The following DNAJC5B variants were observed in gnomAD, a reference collection of about 807,000 sequenced individuals.
DNAJC5B encodes dnaJ homolog subfamily C member 5B.
Under a neutral mutation model 24.7 loss-of-function variants are expected in DNAJC5B, and 23 were observed. That is an observed-to-expected ratio of 0.93 (90% confidence interval 0.67 to 1.32). The LOEUF (loss-of-function observed/expected upper bound fraction) is 1.32. Among genes scored for constraint, DNAJC5B ranks in the 40% most tolerant of loss-of-function variants. The pLI is 0.00. For missense variants in DNAJC5B, 238 were observed against 240.8 expected, an observed-to-expected ratio of 0.99 and a Z score of 0.08; for synonymous variants, 101 against 90.1, an observed-to-expected ratio of 1.12 and a Z score of -0.68.
rs1272267567 is a variant in DNAJC5B, at chr8:66,062,189, G to A, written c.119+10523G>A. Among the ~76,000 whole-genome samples the A allele has an allele frequency of 3.3e-5, 5 of 152,212 alleles. No homozygotes were observed. In the East Asian group the frequency reaches 9.6e-4, roughly 29 times the overall value. On this transcript the variant is annotated intron_variant, in intron 3 of 5. Transcript: ENST00000276570. ...AAAAAAGAATTAGAAAATAGAAAAT[G>A]TCTGGAAAATGTCTGTTTTCTCCTC...
chr8:66,073,171 T>A (rs539832006), intron 3 of DNAJC5B, among the ~76,000 whole-genome samples: 108 of 152,214 alleles, frequency 7.1e-4, no homozygotes, highest in Non-Finnish European at 1.2e-3. Flanking sequence ...GACATGAGCT[T>A]GGGAAGTTGG....
intron 5 of DNAJC5B, among the ~76,000 whole-genome samples, chr8:66,084,047 A>G (rs1807664366): frequency 6.6e-6 from 1 of 152,124 alleles, no homozygotes; most frequent in Admixed American, 6.5e-5. Flanking sequence ...TAAATCCAGC[A>G]CTGCTCTTGG....
At chr8:66,070,045 T>G (rs1264808814) in intron 3 of DNAJC5B, among the ~76,000 whole-genome samples, 1 of 152,180 alleles carries the variant, frequency 6.6e-6, no homozygotes, top group Non-Finnish European at 1.5e-5. Flanking sequence ...AACTAGGTAT[T>G]GATGGAACGT....
chr8:66,089,356 A>G (rs1807796582), intron 5 of DNAJC5B, among the ~76,000 whole-genome samples: 1 of 152,216 alleles, frequency 6.6e-6, no homozygotes, highest in African/African-American at 2.4e-5. Flanking sequence ...GGGAACACAG[A>G]GCCAAACCAT....
At chr8:66,094,324 C>T (rs919884131) in intron 5 of DNAJC5B, among the ~76,000 whole-genome samples, 2 of 151,990 alleles carry the variant, frequency 1.3e-5, no homozygotes, top group African/African-American at 4.8e-5. Context: ...TGGTATATTT[C>T]ACCATTTATT....
chr8:66,054,350 C>T (rs1288803817), intron 3 of DNAJC5B, among the ~76,000 whole-genome samples: 1 of 152,124 alleles, frequency 6.6e-6, no homozygotes, highest in African/African-American at 2.4e-5. Context: ...AGACCTCTCG[C>T]AATTACAACA....
At chr8:66,065,779 A>AG (rs1807179330) in intron 3 of DNAJC5B, among the ~76,000 whole-genome samples, 2 of 152,144 alleles carry the variant, frequency 1.3e-5, no homozygotes, top group Non-Finnish European at 2.9e-5. Context: ...AAGACTGCCC[A>AG]GGGGCTTTCA....
At chr8:66,091,735 G>A (rs948975072) in intron 5 of DNAJC5B, among the ~76,000 whole-genome samples, 8 of 152,224 alleles carry the variant, frequency 5.3e-5, no homozygotes, top group Non-Finnish European at 1.0e-4. Flanking sequence ...TGCAAGAGTG[G>A]TAGGATTACC....
At chr8:66,032,410 G>A (rs1806378795) in intron 1 of DNAJC5B, among the ~76,000 whole-genome samples, 1 of 152,236 alleles carries the variant, frequency 6.6e-6, no homozygotes, top group African/African-American at 2.4e-5. Context: ...ATAGTTGCTG[G>A]TATTTGTTGA....
intron 5 of DNAJC5B, 24 bp from the exon 6 acceptor site, chr8:66,099,913 T>C: frequency 6.2e-7 from 1 of 1,603,928 alleles, no homozygotes; most frequent in Non-Finnish European, 8.5e-7. Flanking sequence ...AGAGTGTTTA[T>C]TGCTTTGCTT....
At chr8:66,082,928 C>T (rs1049720187) in intron 5 of DNAJC5B, among the ~76,000 whole-genome samples, 1 of 150,996 alleles carries the variant, frequency 6.6e-6, no homozygotes, top group Non-Finnish European at 1.5e-5. Flanking sequence ...TCCCCTGAGG[C>T]TTTGTGGCTG....
intron 1 of DNAJC5B, among the ~76,000 whole-genome samples, chr8:66,037,023 G>T (rs1295736081): frequency 6.6e-6 from 1 of 152,180 alleles, no homozygotes; most frequent in Non-Finnish European, 1.5e-5. Context: ...CCAGCTCGTT[G>T]CTTCCTGGGC....
chr8:66,032,913 ACT>A (rs763463454), intron 1 of DNAJC5B, among the ~76,000 whole-genome samples: 7 of 152,046 alleles, frequency 4.6e-5, no homozygotes, highest in Admixed American at 2.0e-4. Context: ...TCCCTGCAGC[ACT>A]CTCTGTTTGC....
chr8:66,053,598 A>G (rs1165307614), intron 3 of DNAJC5B, among the ~76,000 whole-genome samples: 2 of 151,818 alleles, frequency 1.3e-5, no homozygotes, highest in Non-Finnish European at 2.9e-5. Context: ...ACATTTAAAA[A>G]TCAGGTTGTA....
chr8:66,099,023 G>C (rs868004937), intron 5 of DNAJC5B, among the ~76,000 whole-genome samples: 1 of 136,210 alleles, frequency 7.3e-6, no homozygotes, highest in Middle Eastern at 3.5e-3. Flanking sequence ...CTAATTCTCT[G>C]TCTCTCTCTC....
intron 5 of DNAJC5B, among the ~76,000 whole-genome samples, chr8:66,082,998 C>CTTTTATTTTTTTTTTTTTT (rs1807631149): frequency 8.5e-6 from 1 of 117,792 alleles, no homozygotes; most frequent in Non-Finnish European, 1.8e-5. Context: ...ATTTTCTTTT[C>CTTTTATTTTTTTTTTTTTT]TTTTCTTTTT....
intron 2 of DNAJC5B, among the ~76,000 whole-genome samples, chr8:66,047,604 A>C (rs1806748731): frequency 6.6e-6 from 1 of 152,148 alleles, no homozygotes; most frequent in African/African-American, 2.4e-5. Flanking sequence ...CCATATACGA[A>C]AGTTGTCATT....
At chr8:66,086,110 C>T (rs1419558357) in intron 5 of DNAJC5B, among the ~76,000 whole-genome samples, 1 of 152,080 alleles carries the variant, frequency 6.6e-6, no homozygotes, top group African/African-American at 2.4e-5. Flanking sequence ...CAAGTATTTA[C>T]AATTTCTTTT....
chr8:66,065,646 G>T (rs930342692), intron 3 of DNAJC5B, among the ~76,000 whole-genome samples: 4 of 152,152 alleles, frequency 2.6e-5, no homozygotes, highest in Admixed American at 1.3e-4. Context: ...GGGGCTGTAG[G>T]GTTGAAGGAT....
Sources: allele counts gnomAD v4.1 joint callset (sites outside exome capture counted in the v4.1 genomes callset), GRCh38; gene constraint gnomAD v4.1.1; transcripts MANE v1.5; gene names NCBI Gene and HGNC (gene_info 2026-07-23, HGNC 2026-07-21).